FRAS1: variants seen among roughly 807,000 people sequenced by gnomAD.
FRAS1 encodes Fraser extracellular matrix complex subunit 1, also known as extracellular matrix organizing protein FRAS1.
In FRAS1, 290 loss-of-function variants were observed where a neutral mutation model predicts 435.2. The ratio of observed to expected loss-of-function variants is 0.67; its 90% CI spans 0.61 to 0.73. The LOEUF (loss-of-function observed/expected upper bound fraction) is 0.73. Among genes scored for constraint, FRAS1 ranks in the 30% least tolerant of loss-of-function variants. FRAS1 has a pLI of 0.00. For missense variants in FRAS1, 4,860 were observed against 5,001.5 expected (o/e 0.97, Z 0.85); for synonymous variants, 1,800 against 1,851.0 (o/e 0.97, Z 0.71).
At chr4:78,161,037 G>A (rs1438283771) in intron 2 of FRAS1, among the ~76,000 whole-genome samples, 2 of 152,032 alleles carry the variant, frequency 1.3e-5, no homozygotes, top group Non-Finnish European at 2.9e-5. Context: ...ACTATGGAAG[G>A]TTGAGGCAGG....
chr4:78,202,762 G>A (rs767092369), intron 2 of FRAS1, among the ~76,000 whole-genome samples: 36 of 152,320 alleles, frequency 2.4e-4, no homozygotes, highest in Admixed American at 9.8e-4. Context: ...TGTGGAACAC[G>A]GAACCCACAT....
In FRAS1 at chr4:78,534,483, C is replaced by T. The variant is rs755221317; in HGVS notation, c.10960C>T (p.Arg3654Cys). ...ACCCATTGCATTCCAGCAGACCAACCGCCCTGTGCCAGTTGTGTATTCACT... is the reference window on the plus strand; with the variant it reads ...ACCCATTGCATTCCAGCAGACCAACTGCCCTGTGCCAGTTGTGTATTCACT... ...LIPIAFQQTN[R>C]PVPVVYSLNT... Residue 3654 changes from arginine to cysteine, a missense_variant, in exon 71 of 74, where the codon CGC (arginine) becomes TGC (cysteine). Arg to Cys is a radical substitution (Grantham distance 180). Transcript: ENST00000512123. 3.5e-5 allele frequency: 56 copies of T among 1,613,368 alleles called. 1 individual carries two copies. Among genetic ancestry groups the T allele is most frequent in the South Asian group, 2.5e-4 (23 of 90,966 alleles).
chr4:78,406,622 C>T (rs924722428), intron 30 of FRAS1, among the ~76,000 whole-genome samples: 3 of 152,122 alleles, frequency 2.0e-5, no homozygotes, highest in Non-Finnish European at 1.5e-5. Flanking sequence ...CTTGGAGATA[C>T]AATTCAAGTT....
intron 15 of FRAS1, among the ~76,000 whole-genome samples, chr4:78,312,891 A>AAG (rs58892620): frequency 1.5e-5 from 2 of 133,942 alleles, no homozygotes; most frequent in Non-Finnish European, 3.4e-5. Flanking sequence ...GAAAGAAAGA[A>AAG]AGAAAGAAAG....
At chr4:78,417,927 C>T (rs967966574) in intron 32 of FRAS1, among the ~76,000 whole-genome samples, 1 of 152,228 alleles carries the variant, frequency 6.6e-6, no homozygotes, top group Admixed American at 6.5e-5. Flanking sequence ...TTTACAACAG[C>T]ATGCCTGACC....
intron 2 of FRAS1, among the ~76,000 whole-genome samples, chr4:78,084,707 G>T (rs533105541): frequency 2.0e-5 from 3 of 152,010 alleles, no homozygotes; most frequent in East Asian, 3.9e-4. Context: ...TCCTGCTCTA[G>T]TCCTAGGTTC....
At chr4:78,408,279 G>A (rs948473796) in intron 31 of FRAS1, among the ~76,000 whole-genome samples, 80 of 152,102 alleles carry the variant, frequency 5.3e-4, no homozygotes, top group Admixed American at 2.0e-3. Flanking sequence ...GATTCAAGAC[G>A]AGAATTGGAT....
At chr4:78,299,265 C>T (rs546693936) in intron 14 of FRAS1, among the ~76,000 whole-genome samples, 1 of 152,146 alleles carries the variant, frequency 6.6e-6, no homozygotes, top group South Asian at 2.1e-4. Context: ...CTAAGTCTGT[C>T]GATTGAGGCC....
chr4:78,179,777 AT>A, intron 2 of FRAS1, among the ~76,000 whole-genome samples: 1 of 152,324 alleles, frequency 6.6e-6, no homozygotes, highest in East Asian at 1.9e-4. Context: ...ACAAATGAAT[AT>A]GACTGTCCCA....
chr4:78,445,678 G>A lies in FRAS1; in HGVS notation c.5822G>A (p.Arg1941His), dbSNP rs771945455. ...TTTTATGTGAGTGATGGAACCAGTCGTTCAGAAATTCACAGCATCAATATC... is the reference window on the plus strand; with the variant it reads ...TTTTATGTGAGTGATGGAACCAGTCATTCAGAAATTCACAGCATCAATATC... ...FSFYVSDGTS[R>H]SEIHSINITI... The change falls in exon 42 of 74, where the codon CGT (arginine) becomes CAT (histidine). Residue 1941 changes from arginine (R) to histidine (H), a missense_variant. Physicochemically the swap from Arg to His is conservative, Grantham distance 29. Transcript: ENST00000512123. 31 of 1,613,802 alleles carry A rather than the reference G, an allele frequency of 1.9e-5. No individual in the cohort carries two copies. Among genetic ancestry groups the A allele is most frequent in the Middle Eastern group, 3.3e-4 (2 of 6,060 alleles).
chr4:78,203,974 A>G (rs530632927), intron 2 of FRAS1, among the ~76,000 whole-genome samples: 2 of 152,340 alleles, frequency 1.3e-5, no homozygotes, highest in South Asian at 4.1e-4. Context: ...GTCCCTAAAC[A>G]TAGTGCTAGA....
intron 2 of FRAS1, among the ~76,000 whole-genome samples, chr4:78,129,489 C>G (rs1719571398): frequency 6.6e-6 from 1 of 151,938 alleles, no homozygotes; most frequent in Non-Finnish European, 1.5e-5. Flanking sequence ...TGGCCATGGC[C>G]CCCTGATATG....
rs560363914 is a variant in FRAS1, at chr4:78,307,305, T to C, written c.1535-761T>C. On this transcript the variant is annotated intron_variant, in intron 14 of 73. Transcript: ENST00000512123. ...GGGACATTTAAGTCTGCAGAGGTTATTGCTGTCTTTTGTTTGTCTGTGCCC... is the reference window on the plus strand; with the variant it reads ...GGGACATTTAAGTCTGCAGAGGTTACTGCTGTCTTTTGTTTGTCTGTGCCC... Among the ~76,000 whole-genome samples the C allele has an allele frequency of 3.0e-3, 454 of 152,342 alleles. 6 individuals are homozygous for C. The highest frequency in any genetic ancestry group is 9.9e-3 in the African/African-American group (413 of 41,582).
intron 6 of FRAS1, 178 bp from the exon 7 acceptor site, chr4:78,264,847 C>T (rs1726272266): frequency 2.9e-6 from 2 of 688,284 alleles, no homozygotes; most frequent in African/African-American, 1.8e-5. Context: ...GGCACACTGA[C>T]CTTGGAATTG....
At chr4:78,219,386 T>G (rs1482789986) in intron 2 of FRAS1, among the ~76,000 whole-genome samples, 1 of 152,200 alleles carries the variant, frequency 6.6e-6, no homozygotes, top group Non-Finnish European at 1.5e-5. Flanking sequence ...AAAAAATGTA[T>G]TATCTGCTTA....
rs1303854188 is a variant in FRAS1 at position 78,543,084 on chromosome 4, G to T, written c.*1960G>T. 3 of 152,232 alleles carry T rather than the reference G, an allele frequency of 2.0e-5. No homozygotes were observed. The East Asian group carries it at 5.8e-4, about 29-fold the overall frequency. The allele number at this position is 152,232 out of a possible 1,614,324, so 9.4% of individuals were successfully genotyped here. A position where few individuals can be genotyped will look rare whatever the true frequency, so the allele number is the denominator to read the frequency against. ...GTGTCAGGTTTTCAGGAGAGAATGA[G>T]TTGGGGTGAGCCCAGAGTCTGAAAC... On this transcript the variant is annotated 3_prime_UTR_variant, in exon 74 of 74. Coordinates refer to ENST00000512123, the MANE Select transcript of FRAS1 (RefSeq NM_025074.7).
chr4:78,392,809 G>A (rs1422314555), intron 29 of FRAS1, among the ~76,000 whole-genome samples: 2 of 151,718 alleles, frequency 1.3e-5, no homozygotes, highest in Non-Finnish European at 2.9e-5. Context: ...AAAAATATGA[G>A]GAGATAAAAA....
At chr4:78,086,250 A>C (rs995385406) in intron 2 of FRAS1, among the ~76,000 whole-genome samples, 1 of 152,234 alleles carries the variant, frequency 6.6e-6, no homozygotes, top group Non-Finnish European at 1.5e-5. Context: ...ACAACATACC[A>C]GAATCTCTTG....
chr4:78,132,349 A>C (rs893225817), intron 2 of FRAS1, among the ~76,000 whole-genome samples: 1 of 152,258 alleles, frequency 6.6e-6, no homozygotes, highest in Non-Finnish European at 1.5e-5. Flanking sequence ...GCCCTTTCTT[A>C]AAAGAAAAAG....
Sources: allele counts gnomAD v4.1 joint callset (sites outside exome capture counted in the v4.1 genomes callset), GRCh38; gene constraint gnomAD v4.1.1; transcripts MANE v1.5; gene names NCBI Gene and HGNC (gene_info 2026-07-23, HGNC 2026-07-21).